PAN3: variants seen among roughly 807,000 people sequenced by gnomAD.
The protein encoded by PAN3 is poly(A) specific ribonuclease subunit PAN3, also known as PAN2-PAN3 deadenylation complex subunit PAN3.
In PAN3, 19 loss-of-function variants were observed where a neutral mutation model predicts 96.2. That is an observed-to-expected ratio of 0.20 (90% CI 0.14 to 0.29). The LOEUF is 0.29. Among genes scored for constraint, PAN3 ranks in the 10% least tolerant of loss-of-function variants. The pLI, the probability that PAN3 is intolerant of heterozygous loss-of-function variation, is 1.00. For synonymous variants in PAN3, 433 were observed against 406.6 expected, an observed-to-expected ratio of 1.06 and a Z score of -0.78; for missense variants, 882 against 1,108.1, an observed-to-expected ratio of 0.80 and a Z score of 2.90.
chr13:28,283,643 AT>A (rs1429273392), intron 17 of PAN3, among the ~76,000 whole-genome samples: 1 of 152,194 alleles, frequency 6.6e-6, no homozygotes, highest in African/African-American at 2.4e-5. Context: ...CTATTTAGAT[AT>A]GTTTAGTATA....
At chr13:28,190,609 C>T (rs1877125264) in intron 4 of PAN3, among the ~76,000 whole-genome samples, 1 of 152,104 alleles carries the variant, frequency 6.6e-6, no homozygotes, top group East Asian at 1.9e-4. Context: ...TCCATTTTGA[C>T]ACTGCTATAA....
intron 6 of PAN3, chr13:28,239,495 C>T: frequency 4.5e-6 from 3 of 659,340 alleles, no homozygotes; most frequent in South Asian, 1.9e-5. Context: ...TTTTTTGGAC[C>T]CAGTAAGTTT....
intron 4 of PAN3, among the ~76,000 whole-genome samples, chr13:28,184,296 A>AT (rs530426274): frequency 6.6e-6 from 1 of 152,232 alleles, no homozygotes; most frequent in South Asian, 2.1e-4. Flanking sequence ...AATGTTTTAT[A>AT]TTTTATCATA....
intron 1 of PAN3, among the ~76,000 whole-genome samples, chr13:28,160,758 A>G (rs1386811777): frequency 6.6e-6 from 1 of 152,220 alleles, no homozygotes; most frequent in African/African-American, 2.4e-5. Flanking sequence ...ATGAGAGTTT[A>G]AGAGGGAGAG....
At position 28,272,015 on chromosome 13, in the gene PAN3, T is replaced by C; in HGVS notation, c.1993T>C (p.Leu665=). 1 of 1,593,216 alleles carries C rather than the reference T, an allele frequency of 6.3e-7. No homozygotes were observed. The highest frequency in any genetic ancestry group is 8.6e-7 in the Non-Finnish European group (1 of 1,165,618). The change falls in exon 14 of 19, where the codon TTA becomes CTA. Residue 665 remains leucine, a synonymous_variant. Transcript: ENST00000380958. ...RVNCVGVFDV[L]TFDNSQNNNP... Reference sequence around the variant, plus strand: ...AAATTGTGTTGGAGTTTTTGATGTTTTAACATTTGATAACAGTCAAAATAA... The same window carrying C: ...AAATTGTGTTGGAGTTTTTGATGTTCTAACATTTGATAACAGTCAAAATAA...
intron 7 of PAN3, among the ~76,000 whole-genome samples, chr13:28,257,356 A>T (rs1885227028): frequency 1.3e-5 from 2 of 152,040 alleles, no homozygotes; most frequent in South Asian, 4.1e-4. Context: ...CTTCATCCAT[A>T]TTCAAAAATT....
In PAN3 at chr13:28,294,960, G is replaced by A. The variant is rs879117789; in HGVS notation, c.*2438G>A. 2.0e-5 allele frequency: 3 copies of A among 152,216 alleles called. No homozygotes were observed. In the South Asian group the frequency reaches 6.2e-4, roughly 32 times the overall value. 9.4% of individuals were successfully genotyped at this position (152,216 alleles called of 1,614,324 possible). On this transcript the variant is annotated 3_prime_UTR_variant, in exon 19 of 19. Transcript: ENST00000380958. ...ATTCCATTTAAGAGGTTGTCTAAAA[G>A]TCTTTTTAATTAATAGAAAGATTTT...
chr13:28,151,570 C>T (rs1871371841), intron 1 of PAN3, among the ~76,000 whole-genome samples: 2 of 151,548 alleles, frequency 1.3e-5, no homozygotes, highest in South Asian at 4.2e-4. Flanking sequence ...AGATTATTTG[C>T]AGTAATCCAG....
At chr13:28,216,295 C>T (rs556835841) in intron 5 of PAN3, among the ~76,000 whole-genome samples, 1 of 151,578 alleles carries the variant, frequency 6.6e-6, no homozygotes, top group South Asian at 2.1e-4. Context: ...GACAGAAAGT[C>T]TCAGTGGTTT....
At chr13:28,142,690 T>C (rs148939597) in intron 1 of PAN3, among the ~76,000 whole-genome samples, 8 of 152,264 alleles carry the variant, frequency 5.3e-5, no homozygotes, top group African/African-American at 1.9e-4. Context: ...AATTTAGTGT[T>C]TTTAATTTCT....
chr13:28,169,318 C>T (rs1392890200), intron 1 of PAN3, among the ~76,000 whole-genome samples: 1 of 146,574 alleles, frequency 6.8e-6, no homozygotes, highest in East Asian at 2.1e-4. Flanking sequence ...CAACCTCTGC[C>T]TCCCGGGTTC....
chr13:28,175,410 T>A (rs1374381484), intron 2 of PAN3, among the ~76,000 whole-genome samples: 1 of 152,124 alleles, frequency 6.6e-6, no homozygotes, highest in Admixed American at 6.6e-5. Context: ...CCACCATGCC[T>A]GGCTAATAAA....
At chr13:28,186,346 A>G (rs1040373382) in intron 4 of PAN3, among the ~76,000 whole-genome samples, 32 of 152,310 alleles carry the variant, frequency 2.1e-4, no homozygotes, top group African/African-American at 6.0e-4. Flanking sequence ...ACCTGACCCT[A>G]TGTTAATTTT....
chr13:28,253,489 T>G (rs1398947809), intron 6 of PAN3, among the ~76,000 whole-genome samples: 1 of 152,196 alleles, frequency 6.6e-6, no homozygotes, highest in Non-Finnish European at 1.5e-5. Context: ...TTTCAGTAAT[T>G]TAGTTTTTAA....
rs1430181033 is a variant in PAN3, at chr13:28,144,720, T to C, written c.430+5633T>C. Among the ~76,000 whole-genome samples the C allele has an allele frequency of 8.9e-3, 1,146 of 128,420 alleles. 30 individuals are homozygous for C. Among genetic ancestry groups the C allele is most frequent in the African/African-American group, 0.03 (1,092 of 36,934 alleles). The allele number at this position is 128,420 out of a possible 152,430, so 84.2% of individuals were successfully genotyped here. ...TCAAAAGCAAACCAAAACATCATCT[T>C]TTTTTTTTTTTTTTTTTTTCCTCAG... On this transcript the variant is annotated intron_variant, in intron 1 of 18. Coordinates refer to ENST00000380958, the MANE Select transcript of PAN3 (RefSeq NM_175854.8).
chr13:28,232,769 T>C (rs1293773866), intron 6 of PAN3, among the ~76,000 whole-genome samples: 1 of 152,142 alleles, frequency 6.6e-6, no homozygotes, highest in East Asian at 1.9e-4. Context: ...ATCTGTTAAT[T>C]TGAGTTCGAG....
intron 4 of PAN3, among the ~76,000 whole-genome samples, chr13:28,185,999 C>T (rs1876417101): frequency 6.6e-6 from 1 of 152,198 alleles, no homozygotes. Flanking sequence ...CATCCACAAA[C>T]ATGCTAGCCT....
At chr13:28,168,489 C>T (rs1183107810) in intron 1 of PAN3, among the ~76,000 whole-genome samples, 5 of 152,192 alleles carry the variant, frequency 3.3e-5, no homozygotes. Context: ...AAGGCTGAGG[C>T]GAGTGGATCA....
At position 28,266,809 on chromosome 13, in the gene PAN3, T is replaced by C. The variant is rs1170007798; in HGVS notation, c.1506T>C (p.Tyr502=). ...NRIQKSSNFG[Y]ITSCYKAVNS... is the part of the protein sequence containing the mutation. ...TACAGAAATCAAGTAATTTTGGATATATTACATCTTGCTACAAAGCTGTAA... is the reference window on the plus strand; with the variant it reads ...TACAGAAATCAAGTAATTTTGGATACATTACATCTTGCTACAAAGCTGTAA... Residue 502 remains tyrosine (Y), a synonymous_variant, in exon 10 of 19, where the codon TAT becomes TAC. Transcript: ENST00000380958. The C allele has an allele frequency of 6.2e-7, 1 of 1,611,588 alleles. No homozygotes were observed. The highest frequency in any genetic ancestry group is 2.2e-5 in the East Asian group (1 of 44,766).
Sources: allele counts gnomAD v4.1 joint callset (sites outside exome capture counted in the v4.1 genomes callset), GRCh38; gene constraint gnomAD v4.1.1; transcripts MANE v1.5; gene names NCBI Gene and HGNC (gene_info 2026-07-23, HGNC 2026-07-21).